The following WIPI2 variants were observed in gnomAD, a reference collection of about 807,000 sequenced individuals.
WIPI2 encodes WD repeat domain, phosphoinositide interacting 2, also known as WD repeat domain phosphoinositide-interacting protein 2.
WIPI2 carries 28 observed loss-of-function variants against 52.3 expected under a neutral mutation model. The observed-to-expected ratio is 0.54, with a 90% CI of 0.40 to 0.73. The LOEUF is 0.73. WIPI2 is among the 30% of genes least tolerant of loss of function. WIPI2 has a pLI of 0.00. For synonymous variants in WIPI2, 268 were observed against 245.0 expected, an observed-to-expected ratio of 1.09 and a Z score of -0.88; for missense variants, 506 against 602.9, an observed-to-expected ratio of 0.84 and a Z score of 1.68.
intron 5 of WIPI2, 59 bp from the exon 6 acceptor site, chr7:5,217,031 A>T: frequency 2.7e-6 from 4 of 1,499,644 alleles, no homozygotes; most frequent in Non-Finnish European, 3.7e-6. Context: ...TATGTCTGAC[A>T]TCCAAGAAGG....
chr7:5,219,942 C>A (rs886524187), intron 7 of WIPI2, among the ~76,000 whole-genome samples: 1 of 151,094 alleles, frequency 6.6e-6, no homozygotes, highest in Non-Finnish European at 1.5e-5. Flanking sequence ...CTTAAGTGAT[C>A]TTCCTACTTC....
At chr7:5,203,624 C>CAT (rs1562389195) in intron 3 of WIPI2, among the ~76,000 whole-genome samples, 104 of 130,908 alleles carry the variant, frequency 7.9e-4, no homozygotes, top group African/African-American at 2.9e-3. Flanking sequence ...TTACGTTCAG[C>CAT]CTTTTTTTTT....
At chr7:5,228,042 C>T in intron 10 of WIPI2, 62 bp from the exon 11 acceptor site, 1 of 1,532,472 alleles carries the variant, frequency 6.5e-7, no homozygotes. Context: ...GTGAGGCCGC[C>T]ATGTAGTAAG....
At chr7:5,211,865 G>C (rs553173526) in intron 3 of WIPI2, among the ~76,000 whole-genome samples, 1 of 152,262 alleles carries the variant, frequency 6.6e-6, no homozygotes, top group Non-Finnish European at 1.5e-5. Context: ...CCTTCCTGCA[G>C]GGTCGCCGTG....
chr7:5,194,199 T>G (rs1583535280), intron 2 of WIPI2, among the ~76,000 whole-genome samples: 1 of 142,624 alleles, frequency 7.0e-6, no homozygotes, highest in East Asian at 2.1e-4. Context: ...GATATGGAGG[T>G]GGAGGATGTG....
intron 2 of WIPI2, among the ~76,000 whole-genome samples, chr7:5,196,735 C>T (rs1025948878): frequency 2.6e-5 from 4 of 151,990 alleles, no homozygotes; most frequent in African/African-American, 7.3e-5. Context: ...TTAGGAAGGA[C>T]GGGCTGTTAA....
intron 7 of WIPI2, among the ~76,000 whole-genome samples, chr7:5,220,585 T>C (rs914661229): frequency 9.2e-5 from 14 of 151,996 alleles, no homozygotes; most frequent in African/African-American, 3.4e-4. Flanking sequence ...GGCATGATCA[T>C]GGCTCACTGC....
chr7:5,199,071 G>C (rs1431020057), intron 2 of WIPI2, among the ~76,000 whole-genome samples: 1 of 152,144 alleles, frequency 6.6e-6, no homozygotes, highest in Non-Finnish European at 1.5e-5. Flanking sequence ...CCAGGCTGGA[G>C]TGCAGTAGCA....
chr7:5,195,220 C>T (rs999299762), intron 2 of WIPI2, among the ~76,000 whole-genome samples: 23 of 152,180 alleles, frequency 1.5e-4, no homozygotes, highest in Admixed American at 7.2e-4. Flanking sequence ...GGCACAGTGG[C>T]TCACGCCTGT....
At chr7:5,212,186 T>C (rs928305119) in intron 3 of WIPI2, among the ~76,000 whole-genome samples, 1 of 152,152 alleles carries the variant, frequency 6.6e-6, no homozygotes, top group African/African-American at 2.4e-5. Flanking sequence ...ACAGGCGACA[T>C]TAGACCTGGG....
At chr7:5,226,097 T>C in intron 9 of WIPI2, 167 bp downstream of exon 9, 1 of 648,750 alleles carries the variant, frequency 1.5e-6, no homozygotes, top group Non-Finnish European at 2.7e-6. Context: ...GGCTCGGCAG[T>C]GAGGAGGATG....
At chr7:5,203,740 C>T (rs554390850) in intron 3 of WIPI2, among the ~76,000 whole-genome samples, 72 of 146,908 alleles carry the variant, frequency 4.9e-4, no homozygotes, top group African/African-American at 1.8e-3. Flanking sequence ...TCGCGCCATT[C>T]TCCTGCCTCA....
At chr7:5,210,756 G>A (rs549284331) in intron 3 of WIPI2, among the ~76,000 whole-genome samples, 10 of 152,318 alleles carry the variant, frequency 6.6e-5, no homozygotes, top group South Asian at 2.1e-4. Flanking sequence ...CTGGATTAGC[G>A]AATCATGAAG....
Position 5,195,110 on chromosome 7 carries a change from G to A in WIPI2, c.128+1939G>A, listed in dbSNP as rs1357631523. On this transcript the variant is annotated intron_variant, in intron 2 of 12. Coordinates refer to ENST00000288828, the MANE Select transcript of WIPI2 (RefSeq NM_015610.4). The stretch of plus-strand genomic sequence containing the variant: ...TGGGCACCAGGCACAGTTGAAGGTG[G>A]GGATACTGGCAAAATGGGGGATTGA... 2.6e-5 allele frequency among the ~76,000 whole-genome samples: 4 copies of A among 152,268 alleles called. No individual in the cohort carries two copies. In the East Asian group the frequency reaches 7.7e-4, roughly 29 times the overall value.
At chr7:5,217,797 G>T in intron 6 of WIPI2, 125 bp from the exon 7 acceptor site, 1 of 872,080 alleles carries the variant, frequency 1.1e-6, no homozygotes, top group Non-Finnish European at 1.9e-6. Flanking sequence ...AAGTGGGTTT[G>T]GCATTTGTTT....
At chr7:5,196,403 A>G (rs1781745350) in intron 2 of WIPI2, among the ~76,000 whole-genome samples, 1 of 152,214 alleles carries the variant, frequency 6.6e-6, no homozygotes, top group Admixed American at 6.5e-5. Context: ...ATACTATGGT[A>G]TATATATCTC....
At position 5,199,565 on chromosome 7, in the gene WIPI2, C is replaced by CT; in HGVS notation, c.129-5dup. On this transcript the variant is annotated splice_polypyrimidine_tract_variant and intron_variant, in intron 2 of 12. Coordinates refer to ENST00000288828, the MANE Select transcript of WIPI2 (RefSeq NM_015610.4). ...TATCAGCTCTTATTTCTGAATTTGGCTTTTTTGCAGGTCCCTAGCTGTTGG... is the reference window on the plus strand; with the variant it reads ...TATCAGCTCTTATTTCTGAATTTGGCTTTTTTTGCAGGTCCCTAGCTGTTGG... 6.2e-7 allele frequency: 1 copy of CT among 1,603,872 alleles called. No individual in the cohort carries two copies. The highest frequency in any genetic ancestry group is 1.1e-5 in the South Asian group (1 of 88,748).
chr7:5,199,748 G>T, intron 3 of WIPI2, 90 bp downstream of exon 3: 2 of 1,315,106 alleles, frequency 1.5e-6, no homozygotes, highest in South Asian at 1.4e-5. Flanking sequence ...AGACGCTGTG[G>T]TTGAAGTCCA....
chr7:5,199,569 T>C lies in WIPI2; in HGVS notation c.129-7T>C, dbSNP rs1213704579. The C allele has an allele frequency of 3.7e-6, 6 of 1,608,730 alleles. No homozygotes were observed. The African/African-American group carries it at 6.7e-5, about 18-fold the overall frequency. Reference sequence around the variant, plus strand: ...AGCTCTTATTTCTGAATTTGGCTTTTTTGCAGGTCCCTAGCTGTTGGTAGT... The same window carrying C: ...AGCTCTTATTTCTGAATTTGGCTTTCTTGCAGGTCCCTAGCTGTTGGTAGT... On this transcript the variant is annotated splice_region_variant and splice_polypyrimidine_tract_variant and intron_variant, in intron 2 of 12. Coordinates refer to ENST00000288828, the MANE Select transcript of WIPI2 (RefSeq NM_015610.4).
Sources: gnomAD v4.1 joint callset for allele counts (sites outside exome capture counted in the v4.1 genomes callset) on GRCh38, gnomAD v4.1.1 for gene constraint, MANE v1.5 for transcripts, NCBI Gene and HGNC (gene_info 2026-07-23, HGNC 2026-07-21) for gene names.